The following IL1R2 variants were observed in gnomAD, a reference collection of about 807,000 sequenced individuals.
The protein encoded by IL1R2 is interleukin-1 receptor type 2.
IL1R2 carries 46 observed loss-of-function variants against 39.5 expected under a neutral mutation model. The ratio of observed to expected loss-of-function variants is 1.16; its 90% CI spans 0.92 to 1.49. The LOEUF (loss-of-function observed/expected upper bound fraction) is 1.49. Ranked by LOEUF, IL1R2 falls within the 40% of genes most tolerant of loss-of-function variation. The pLI is 0.00. For missense variants in IL1R2, 537 were observed against 502.0 expected (o/e 1.07, Z -0.67); for synonymous variants, 207 against 189.6 (o/e 1.09, Z -0.75).
intron 1 of IL1R2, among the ~76,000 whole-genome samples, chr2:102,003,110 G>A (rs1676012421): frequency 8.5e-6 from 1 of 117,640 alleles, no homozygotes; most frequent in South Asian, 2.4e-4. Context: ...CTGTGTCTAT[G>A]TCTGTGTCTG....
intron 7 of IL1R2, chr2:102,024,884 G>C: frequency 1.9e-6 from 1 of 531,636 alleles, no homozygotes; most frequent in Non-Finnish European, 3.2e-6. Flanking sequence ...CAGTTGACAT[G>C]TTGGTATTGA....
intron 4 of IL1R2, among the ~76,000 whole-genome samples, chr2:102,017,494 T>C (rs982968197): frequency 6.6e-5 from 10 of 152,162 alleles, no homozygotes; most frequent in African/African-American, 7.2e-5. Flanking sequence ...TAGATGTTAT[T>C]TGATGTGCTC....
intron 1 of IL1R2, among the ~76,000 whole-genome samples, chr2:102,001,109 C>G (rs1357006571): frequency 1.3e-5 from 2 of 152,130 alleles, no homozygotes; most frequent in African/African-American, 2.4e-5. Flanking sequence ...GATGGTCCAG[C>G]CTGCTGGGGG....
At chr2:102,002,098 C>A (rs912216752) in intron 1 of IL1R2, 9 of 151,978 alleles carry the variant, frequency 5.9e-5, no homozygotes, top group African/African-American at 1.2e-4. Context: ...AATATATTAT[C>A]AAAAAAAATT....
At chr2:102,025,992 C>A in intron 7 of IL1R2, 119 bp from the exon 8 acceptor site, 1 of 765,076 alleles carries the variant, frequency 1.3e-6, no homozygotes, top group South Asian at 1.9e-5. Flanking sequence ...CTTTATGAAA[C>A]TTGAAAACAA....
intron 3 of IL1R2, among the ~76,000 whole-genome samples, chr2:102,014,669 A>T (rs1250161151): frequency 6.6e-6 from 1 of 151,642 alleles, no homozygotes; most frequent in Admixed American, 6.6e-5. Context: ...ACTTGTTTGG[A>T]TATGGATGGT....
At chr2:102,011,488 G>A (rs968568022) in intron 3 of IL1R2, among the ~76,000 whole-genome samples, 14 of 152,290 alleles carry the variant, frequency 9.2e-5, no homozygotes, top group Non-Finnish European at 1.5e-4. Context: ...AATGATTAGC[G>A]ATGCTGAGCA....
At chr2:102,025,663 G>C (rs888954158) in intron 7 of IL1R2, among the ~76,000 whole-genome samples, 1 of 152,218 alleles carries the variant, frequency 6.6e-6, no homozygotes, top group African/African-American at 2.4e-5. Context: ...TCCAGAGTGA[G>C]AGTCAGCAGT....
At chr2:102,002,390 AG>A in intron 1 of IL1R2, among the ~76,000 whole-genome samples, 1 of 141,348 alleles carries the variant, frequency 7.1e-6, no homozygotes, top group Non-Finnish European at 1.5e-5. Context: ...GTCTAGGTCT[AG>A]GTCTGTGTCT....
intron 5 of IL1R2, among the ~76,000 whole-genome samples, chr2:102,020,066 A>G (rs1461979022): frequency 6.6e-6 from 1 of 152,244 alleles, no homozygotes; most frequent in Non-Finnish European, 1.5e-5. Flanking sequence ...AGGCTAAAAC[A>G]CACCACTCAA....
chr2:102,008,304 T>C (rs529388194), intron 1 of IL1R2, among the ~76,000 whole-genome samples: 1 of 152,352 alleles, frequency 6.6e-6, no homozygotes, highest in Non-Finnish European at 1.5e-5. Flanking sequence ...AGCACGCCTC[T>C]AGGTGCTACA....
In IL1R2 at chr2:102,028,286, TG is replaced by T. The variant is rs750497461; in HGVS notation, c.1097del (p.Gly366GlufsTer18). The T allele has an allele frequency of 1.2e-6, 2 of 1,612,862 alleles. No individual in the cohort carries two copies. Among genetic ancestry groups the T allele is most frequent in the Non-Finnish European group, 8.5e-7 (1 of 1,179,548 alleles). ...CCACTTTCACTGGCCTTCTTGGTTT[TG>T]GGGGGAATATGGATGCACAGACGGT... is the stretch of plus-strand genomic sequence containing the variant. ...LAPLSLAFLVLGGIWMHRRCK... is the reference protein window; with the variant it reads ...LAPLSLAFLVXGGIWMHRRCK... On this transcript the variant is annotated frameshift_variant, in exon 9 of 9. Coordinates refer to ENST00000332549, the MANE Select transcript of IL1R2 (RefSeq NM_004633.4). LOFTEE classifies it low-confidence loss of function (END_TRUNC).
At chr2:101,992,371 G>T (rs995614691) in intron 1 of IL1R2, among the ~76,000 whole-genome samples, 1 of 128,096 alleles carries the variant, frequency 7.8e-6, no homozygotes, top group African/African-American at 2.9e-5. Flanking sequence ...AGAGACAGAG[G>T]CAGAGAGACA....
chr2:102,021,599 C>A (rs1677405862), intron 5 of IL1R2, among the ~76,000 whole-genome samples: 1 of 152,240 alleles, frequency 6.6e-6, no homozygotes, highest in South Asian at 2.1e-4. Flanking sequence ...CAGGCGTGAG[C>A]CACTGCACCC....
At chr2:101,997,720 C>T (rs1360888022) in intron 1 of IL1R2, among the ~76,000 whole-genome samples, 1 of 152,184 alleles carries the variant, frequency 6.6e-6, no homozygotes, top group Non-Finnish European at 1.5e-5. Flanking sequence ...CCATTATTTC[C>T]ATTCTTCTTT....
Position 102,015,974 on chromosome 2 carries a change from A to G in IL1R2, c.436A>G (p.Thr146Ala), listed in dbSNP as rs374741053. ...ISYPQILTLS[T>A]SGVLVCPDLS... is the part of the protein sequence containing the mutation. Reference sequence around the variant, plus strand: ...ATACCCGCAAATTTTAACCTTGTCAACCTCTGGGGTATTAGTATGCCCTGA... The same window carrying G: ...ATACCCGCAAATTTTAACCTTGTCAGCCTCTGGGGTATTAGTATGCCCTGA... Residue 146 changes from threonine to alanine, a missense_variant, in exon 4 of 9, where the codon ACC becomes GCC. By Grantham distance (58) the Thr-to-Ala change is moderately conservative. Transcript: ENST00000332549. 1.2e-5 allele frequency: 19 copies of G among 1,613,782 alleles called. No individual in the cohort carries two copies. Among genetic ancestry groups the G allele is most frequent in the African/African-American group, 6.7e-5 (5 of 74,872 alleles).
intron 1 of IL1R2, among the ~76,000 whole-genome samples, chr2:101,998,714 C>A (rs1320117817): frequency 1.3e-5 from 2 of 152,284 alleles, no homozygotes; most frequent in African/African-American, 2.4e-5. Flanking sequence ...GATTGTCAAC[C>A]AATGCCCTAC....
At chr2:102,019,898 T>C (rs1055938090) in intron 5 of IL1R2, 86 bp downstream of exon 5, 24 of 1,159,738 alleles carry the variant, frequency 2.1e-5, no homozygotes, top group Non-Finnish European at 2.8e-5. Flanking sequence ...TAGAATTCCT[T>C]GCAGGTCTTT....
At chr2:102,008,745 G>A (rs1676425057) in intron 2 of IL1R2, 103 bp downstream of exon 2, 15 of 974,668 alleles carry the variant, frequency 1.5e-5, no homozygotes, top group East Asian at 1.2e-4. Flanking sequence ...AGTGTGGGCC[G>A]AGCTCGGTGG....
Sources: allele counts gnomAD v4.1 joint callset (sites outside exome capture counted in the v4.1 genomes callset), GRCh38; gene constraint gnomAD v4.1.1; transcripts MANE v1.5; gene names NCBI Gene and HGNC (gene_info 2026-07-23, HGNC 2026-07-21).